The following DLG1 variants were observed in gnomAD, a reference collection of about 807,000 sequenced individuals.
The protein encoded by DLG1 is discs large MAGUK scaffold protein 1.
DLG1 carries 42 observed loss-of-function variants against 123.4 expected under a neutral mutation model. The observed-to-expected ratio is 0.34, with a 90% CI of 0.27 to 0.44. The LOEUF is 0.44. DLG1 is among the 20% of genes least tolerant of loss of function. The pLI is 1.00. For missense variants in DLG1, 942 were observed against 1,082.6 expected (o/e 0.87, Z 1.82); for synonymous variants, 317 against 356.2 (o/e 0.89, Z 1.24).
intron 8 of DLG1, among the ~76,000 whole-genome samples, chr3:197,139,332 A>T (rs1372009218): frequency 1.3e-5 from 2 of 152,164 alleles, no homozygotes; most frequent in Non-Finnish European, 2.9e-5. Flanking sequence ...CAAATGATTA[A>T]TTTTTATATC....
chr3:197,256,767 G>C (rs1010728673), intron 4 of DLG1, among the ~76,000 whole-genome samples: 7 of 152,116 alleles, frequency 4.6e-5, no homozygotes, highest in Non-Finnish European at 7.4e-5. Context: ...AATCTAGGAA[G>C]TACTAAAACC....
intron 5 of DLG1, among the ~76,000 whole-genome samples, chr3:197,152,419 CTTTT>C (rs768327685): frequency 1.1e-5 from 1 of 94,700 alleles, no homozygotes; most frequent in African/African-American, 4.4e-5. Flanking sequence ...ATCCCAAAGT[CTTTT>C]TTTTTTTTTT....
intron 5 of DLG1, among the ~76,000 whole-genome samples, chr3:197,150,823 C>T (rs1373249594): frequency 6.6e-6 from 1 of 151,898 alleles, no homozygotes; most frequent in East Asian, 1.9e-4. Context: ...AATGATATGA[C>T]AAAATGCTTA....
At chr3:197,107,977 T>C (rs1767567539) in intron 13 of DLG1, among the ~76,000 whole-genome samples, 1 of 152,142 alleles carries the variant, frequency 6.6e-6, no homozygotes, top group Non-Finnish European at 1.5e-5. Context: ...TTTAACAGGT[T>C]GAAGTTCCCT....
chr3:197,257,009 G>A (rs1259903174), intron 4 of DLG1, among the ~76,000 whole-genome samples: 4 of 151,954 alleles, frequency 2.6e-5, no homozygotes, highest in African/African-American at 9.7e-5. Context: ...TTTTTACGTG[G>A]CAGTCAAACA....
intron 4 of DLG1, among the ~76,000 whole-genome samples, chr3:197,221,468 C>T (rs559779211): frequency 1.3e-4 from 19 of 151,654 alleles, no homozygotes; most frequent in South Asian, 8.4e-4. Flanking sequence ...TGCAGTGAAC[C>T]GAGCCGAGGC....
At chr3:197,198,414 G>T (rs766964159) in intron 4 of DLG1, among the ~76,000 whole-genome samples, 1 of 149,074 alleles carries the variant, frequency 6.7e-6, no homozygotes, top group Admixed American at 6.7e-5. Flanking sequence ...TTGAAGCCGG[G>T]AAGTGGAGGT....
Position 197,236,477 on chromosome 3 carries a change from CTG to C in DLG1, c.319-41890_319-41889del, listed in dbSNP as rs148838333. Among the ~76,000 whole-genome samples, 476 of 152,252 alleles carry C rather than the reference CTG, an allele frequency of 3.1e-3. 2 individuals are homozygous for C. Among genetic ancestry groups the C allele is most frequent in the Middle Eastern group, 6.8e-3 (2 of 294 alleles). ...AAGATAAAATAAAGACCATCAAACA[CTG>C]TGTGAATATTAACAACTTTATTTGA... On this transcript the variant is annotated intron_variant, in intron 4 of 24. Coordinates refer to ENST00000667157, the MANE Select transcript of DLG1 (RefSeq NM_001366207.1).
chr3:197,156,782 A>G (rs1796594367), intron 5 of DLG1, among the ~76,000 whole-genome samples: 2 of 152,256 alleles, frequency 1.3e-5, no homozygotes, highest in African/African-American at 4.8e-5. Context: ...CTAATAGCAG[A>G]CCATCAAAAT....
intron 23 of DLG1, among the ~76,000 whole-genome samples, chr3:197,054,157 A>G (rs1170558226): frequency 6.6e-6 from 1 of 150,388 alleles, no homozygotes; most frequent in East Asian, 1.9e-4. Context: ...TGTGTGTGGT[A>G]AGTTGCTGCT....
At chr3:197,208,058 A>C (rs1195903603) in intron 4 of DLG1, among the ~76,000 whole-genome samples, 1 of 146,032 alleles carries the variant, frequency 6.8e-6, no homozygotes, top group African/African-American at 2.4e-5. Flanking sequence ...AAAAGATACA[A>C]AACCCTCCAG....
intron 4 of DLG1, among the ~76,000 whole-genome samples, chr3:197,219,211 C>G (rs1735659785): frequency 6.6e-6 from 1 of 152,116 alleles, no homozygotes; most frequent in Admixed American, 6.5e-5. Flanking sequence ...CCTCTATTCT[C>G]AAACACATGC....
At chr3:197,235,770 C>G (rs893280557) in intron 4 of DLG1, among the ~76,000 whole-genome samples, 6 of 152,068 alleles carry the variant, frequency 3.9e-5, no homozygotes, top group African/African-American at 1.2e-4. Flanking sequence ...TGCAAAGAAG[C>G]AGAAAACTGT....
intron 4 of DLG1, among the ~76,000 whole-genome samples, chr3:197,227,485 C>CA (rs937385130): frequency 6.0e-5 from 9 of 151,230 alleles, no homozygotes; most frequent in African/African-American, 1.5e-4. Context: ...AAAAAAAAAC[C>CA]AAAAAAACAA....
chr3:197,109,520 G>GA (rs1042655932), intron 13 of DLG1, among the ~76,000 whole-genome samples: 15 of 152,036 alleles, frequency 9.9e-5, no homozygotes, highest in Non-Finnish European at 1.6e-4. Context: ...TCAGGTTGGA[G>GA]AAAAAAAGAG....
intron 1 of DLG1, chr3:197,297,782 C>A (rs909085730): frequency 4.5e-5 from 44 of 985,626 alleles, no homozygotes; most frequent in Non-Finnish European, 4.9e-5. Context: ...CGGGCCCCCA[C>A]ACCTGCGGCG....
chr3:197,090,616 C>T (rs564442906), intron 15 of DLG1, among the ~76,000 whole-genome samples: 17 of 152,122 alleles, frequency 1.1e-4, no homozygotes, highest in African/African-American at 3.9e-4. Flanking sequence ...TATCATCAAG[C>T]TTGTAGTCAC....
intron 3 of DLG1, among the ~76,000 whole-genome samples, chr3:197,286,506 G>A (rs533799431): frequency 4.6e-5 from 7 of 152,146 alleles, no homozygotes; most frequent in Non-Finnish European, 1.0e-4. Flanking sequence ...CTGACGGGAG[G>A]CAGAGCTCAG....
chr3:197,217,339 C>T (rs940309578), intron 4 of DLG1, among the ~76,000 whole-genome samples: 9 of 152,200 alleles, frequency 5.9e-5, no homozygotes, highest in Admixed American at 5.9e-4. Context: ...AAATGCTTTC[C>T]AATTATGGAT....
Sources: gnomAD v4.1 joint callset for allele counts (sites outside exome capture counted in the v4.1 genomes callset) on GRCh38, gnomAD v4.1.1 for gene constraint, MANE v1.5 for transcripts, NCBI Gene and HGNC (gene_info 2026-07-23, HGNC 2026-07-21) for gene names.